Variants in ANKRD44 observed in about 807,000 individuals in gnomAD.
ANKRD44 encodes the protein serine/threonine-protein phosphatase 6 regulatory ankyrin repeat subunit B.
ANKRD44 carries 35 observed loss-of-function variants against 116.0 expected under a neutral mutation model. The observed-to-expected ratio is 0.30, with a 90% CI of 0.23 to 0.40. ANKRD44 has a LOEUF of 0.40. ANKRD44 is among the 10% of genes least tolerant of loss of function. The pLI, the probability that ANKRD44 is intolerant of heterozygous loss-of-function variation, is 1.00. For missense variants in ANKRD44, 1,014 were observed against 1,242.6 expected (o/e 0.82, Z 2.77); for synonymous variants, 435 against 461.8 (o/e 0.94, Z 0.74).
At chr2:197,065,649 T>C (rs979566906) in intron 16 of ANKRD44, among the ~76,000 whole-genome samples, 12 of 151,940 alleles carry the variant, frequency 7.9e-5, no homozygotes, top group African/African-American at 2.7e-4. Flanking sequence ...ATACAAACTA[T>C]CATCAGAGAA....
At chr2:197,031,933 G>A (rs1448779227) in intron 16 of ANKRD44, among the ~76,000 whole-genome samples, 3 of 152,070 alleles carry the variant, frequency 2.0e-5, no homozygotes, top group Non-Finnish European at 4.4e-5. Flanking sequence ...TGCTTGATAA[G>A]GCTAGAAAAC....
intron 9 of ANKRD44, among the ~76,000 whole-genome samples, chr2:197,106,757 T>C (rs1226559680): frequency 6.7e-6 from 1 of 150,088 alleles, no homozygotes; most frequent in East Asian, 1.9e-4. Flanking sequence ...GCCACTGCAC[T>C]CCAGCCTGGG....
rs2077937705 is a variant in ANKRD44, at chr2:197,086,863, A to C, written c.1248-115T>G. Reference sequence around the variant, plus strand: ...CAGATGAAAAGATAGCTCCTGGTCTAAATTCCGCTAATAAAAACCTGAACA... The same window carrying C: ...CAGATGAAAAGATAGCTCCTGGTCTCAATTCCGCTAATAAAAACCTGAACA... On this transcript the variant is annotated intron_variant, in intron 12 of 27. Coordinates refer to ENST00000282272, the MANE Select transcript of ANKRD44 (RefSeq NM_001195144.2). 2.5e-5 allele frequency: 21 copies of C among 836,526 alleles called. No homozygotes were observed. In the South Asian group the frequency reaches 3.8e-4, roughly 15 times the overall value. 51.8% of individuals were successfully genotyped at this position (836,526 alleles called of 1,614,324 possible).
At chr2:197,305,918 G>T (rs961644352) in intron 1 of ANKRD44, among the ~76,000 whole-genome samples, 1 of 146,634 alleles carries the variant, frequency 6.8e-6, no homozygotes. Flanking sequence ...AAAATTTTTT[G>T]GTTTGCTCAT....
At chr2:197,076,936 T>A (rs935169970) in intron 16 of ANKRD44, among the ~76,000 whole-genome samples, 2 of 152,236 alleles carry the variant, frequency 1.3e-5, no homozygotes, top group Admixed American at 1.3e-4. Flanking sequence ...TCCATGTCTT[T>A]GCTATTGTAA....
chr2:197,061,200 T>G (rs1305079588), intron 16 of ANKRD44, among the ~76,000 whole-genome samples: 1 of 152,162 alleles, frequency 6.6e-6, no homozygotes, highest in East Asian at 1.9e-4. Flanking sequence ...TTACAGATCT[T>G]GTAGCTAGGT....
At chr2:197,300,177 G>A (rs556740685) in intron 1 of ANKRD44, among the ~76,000 whole-genome samples, 7 of 152,348 alleles carry the variant, frequency 4.6e-5, no homozygotes, top group Admixed American at 1.3e-4. Flanking sequence ...AGGGCATGTA[G>A]TACCTATCAA....
chr2:197,020,792 A>G (rs928978883), intron 17 of ANKRD44, among the ~76,000 whole-genome samples: 13 of 148,788 alleles, frequency 8.7e-5, no homozygotes, highest in Admixed American at 2.6e-4. Flanking sequence ...TTATAATTAT[A>G]TATGGAGTTT....
intron 3 of ANKRD44, among the ~76,000 whole-genome samples, chr2:197,143,307 G>A (rs1216749947): frequency 5.3e-5 from 8 of 149,630 alleles, no homozygotes; most frequent in Admixed American, 2.7e-4. Flanking sequence ...CCATTAACTC[G>A]TCATTTAGCA....
chr2:197,200,085 A>G (rs2125656382), intron 1 of ANKRD44, among the ~76,000 whole-genome samples: 1 of 152,320 alleles, frequency 6.6e-6, no homozygotes, highest in Admixed American at 6.5e-5. Flanking sequence ...TGCCAAATAT[A>G]GTTGGGGAAA....
chr2:197,257,051 A>G (rs1173665212), intron 1 of ANKRD44, among the ~76,000 whole-genome samples: 1 of 152,230 alleles, frequency 6.6e-6, no homozygotes, highest in Non-Finnish European at 1.5e-5. Flanking sequence ...AAATGGAAGA[A>G]TAGGTGAAAA....
intron 2 of ANKRD44, among the ~76,000 whole-genome samples, chr2:197,168,351 C>G (rs2080147138): frequency 6.6e-6 from 1 of 152,134 alleles, no homozygotes; most frequent in Non-Finnish European, 1.5e-5. Flanking sequence ...CTGAAGTGCT[C>G]TCTGAATTAT....
chr2:197,031,486 G>T (rs2124891614), intron 16 of ANKRD44, among the ~76,000 whole-genome samples: 1 of 152,226 alleles, frequency 6.6e-6, no homozygotes, highest in South Asian at 2.1e-4. Context: ...TGAGACTATG[G>T]GGCATACCAC....
chr2:196,999,145 G>A (rs1264840213), intron 23 of ANKRD44, 93 bp from the exon 24 acceptor site: 7 of 1,466,324 alleles, frequency 4.8e-6, no homozygotes, highest in African/African-American at 1.4e-5. Flanking sequence ...GTTGTCTTAA[G>A]GATTTAAAAC....
At chr2:197,004,028 T>C (rs1388776742) in intron 21 of ANKRD44, among the ~76,000 whole-genome samples, 1 of 152,142 alleles carries the variant, frequency 6.6e-6, no homozygotes, top group Non-Finnish European at 1.5e-5. Context: ...CTATTAATGG[T>C]TTCTAAATTA....
intron 1 of ANKRD44, among the ~76,000 whole-genome samples, chr2:197,249,180 G>A (rs967620768): frequency 1.3e-5 from 2 of 152,162 alleles, no homozygotes; most frequent in African/African-American, 4.8e-5. Flanking sequence ...GGCTGAGGCT[G>A]GAGGATCGCT....
chr2:196,971,842 A>G (rs1055709831), intron 21 of ANKRD44, among the ~76,000 whole-genome samples: 1 of 152,200 alleles, frequency 6.6e-6, no homozygotes, highest in African/African-American at 2.4e-5. Context: ...GGATGCATCC[A>G]ATTGTAGTCT....
intron 1 of ANKRD44, among the ~76,000 whole-genome samples, chr2:197,202,185 T>C (rs926027535): frequency 1.3e-5 from 2 of 152,138 alleles, no homozygotes; most frequent in African/African-American, 4.8e-5. Flanking sequence ...GCTTCTTGAA[T>C]TGTGACCAAT....
chr2:197,297,052 ATAAG>A (rs2083745138), intron 1 of ANKRD44, among the ~76,000 whole-genome samples: 1 of 152,220 alleles, frequency 6.6e-6, no homozygotes, highest in African/African-American at 2.4e-5. Flanking sequence ...TGGCATTCTT[ATAAG>A]TAATTTTCAA....
Sources: gnomAD v4.1 joint callset for allele counts (sites outside exome capture counted in the v4.1 genomes callset) on GRCh38, gnomAD v4.1.1 for gene constraint, MANE v1.5 for transcripts, NCBI Gene and HGNC (gene_info 2026-07-23, HGNC 2026-07-21) for gene names.